Variants in TFDP1 observed in about 807,000 individuals in gnomAD.
TFDP1 encodes DRTF1-polypeptide 1.
TFDP1 carries 6 observed loss-of-function variants against 48.0 expected under a neutral mutation model. The observed-to-expected ratio is 0.13, with a 90% CI of 0.07 to 0.25. TFDP1 has a LOEUF of 0.25. Ranked by LOEUF, TFDP1 falls within the 10% of genes least tolerant of loss-of-function variation. TFDP1 has a pLI of 1.00. For synonymous variants in TFDP1, 201 were observed against 211.6 expected, an observed-to-expected ratio of 0.95 and a Z score of 0.44; for missense variants, 335 against 543.0, an observed-to-expected ratio of 0.62 and a Z score of 3.81.
chr13:113,634,885 A>G (rs1289987062), intron 8 of TFDP1, among the ~76,000 whole-genome samples: 2 of 147,278 alleles, frequency 1.4e-5, no homozygotes, highest in Admixed American at 6.7e-5. Flanking sequence ...GTGCGTGTGC[A>G]TGTGTGTGCG....
At chr13:113,592,599 C>T (rs1362302530) in intron 2 of TFDP1, among the ~76,000 whole-genome samples, 1 of 152,244 alleles carries the variant, frequency 6.6e-6, no homozygotes, top group Non-Finnish European at 1.5e-5. Context: ...TGTTCATTAA[C>T]ATCGCGTCAC....
intron 3 of TFDP1, among the ~76,000 whole-genome samples, chr13:113,611,290 A>G (rs1450695694): frequency 2.6e-5 from 4 of 152,252 alleles, no homozygotes. Flanking sequence ...AGGTATGTAT[A>G]CTATTTGCAA....
chr13:113,588,002 C>T (rs1189924914), intron 2 of TFDP1, among the ~76,000 whole-genome samples: 3 of 151,966 alleles, frequency 2.0e-5, no homozygotes, highest in Admixed American at 6.6e-5. Context: ...ATTACAGGCG[C>T]GCCACCACAC....
chr13:113,625,905 C>T (rs2085190513), intron 4 of TFDP1, among the ~76,000 whole-genome samples: 1 of 143,462 alleles, frequency 7.0e-6, no homozygotes, highest in Non-Finnish European at 1.5e-5. Flanking sequence ...TCTCACATGT[C>T]CTCAGGTGTC....
At chr13:113,591,602 T>G (rs1314660442) in intron 2 of TFDP1, among the ~76,000 whole-genome samples, 1 of 152,218 alleles carries the variant, frequency 6.6e-6, no homozygotes, top group Non-Finnish European at 1.5e-5. Flanking sequence ...TAAAAACTTT[T>G]CACTCTTGGT....
chr13:113,623,434 A>T lies in TFDP1; in HGVS notation c.186+148A>T, dbSNP rs964348106. The T allele has an allele frequency of 4.1e-6, 3 of 738,030 alleles. No homozygotes were observed. The highest frequency in any genetic ancestry group is 3.5e-5 in the African/African-American group (2 of 56,716). The allele number at this position is 738,030 out of a possible 1,614,324, so 45.7% of individuals were successfully genotyped here. A position where few individuals can be genotyped will look rare whatever the true frequency, so the allele number is the denominator to read the frequency against. On this transcript the variant is annotated intron_variant, in intron 4 of 11. Transcript: ENST00000375370. This position sits in a 1 kb window ranked among gnomAD's most constrained non-coding sequence, Gnocchi z 5.2. Reference sequence around the variant, plus strand: ...TTCCCTCATCAGGGAGCCCGTGGCCAGTGCTAGATTTTCCATAGCCCTCTG... The same window carrying T: ...TTCCCTCATCAGGGAGCCCGTGGCCTGTGCTAGATTTTCCATAGCCCTCTG...
intron 11 of TFDP1, among the ~76,000 whole-genome samples, chr13:113,639,039 C>T (rs1454032823): frequency 2.6e-5 from 4 of 152,158 alleles, no homozygotes; most frequent in African/African-American, 9.7e-5. Flanking sequence ...GCAAAGCCAG[C>T]CTTGGCCTCC....
chr13:113,613,017 T>G (rs781568965), intron 3 of TFDP1, among the ~76,000 whole-genome samples: 1 of 118,362 alleles, frequency 8.4e-6, no homozygotes, highest in East Asian at 2.2e-4. Flanking sequence ...GACGGTGGTT[T>G]TTGTTGTTGT....
chr13:113,618,118 T>C (rs2048907381), intron 3 of TFDP1, among the ~76,000 whole-genome samples: 1 of 152,266 alleles, frequency 6.6e-6, no homozygotes, highest in African/African-American at 2.4e-5. Context: ...TTCATGTGAC[T>C]CAGCTTGTCC....
intron 3 of TFDP1, among the ~76,000 whole-genome samples, chr13:113,618,347 C>T (rs1195406066): frequency 6.6e-6 from 1 of 152,182 alleles, no homozygotes; most frequent in Non-Finnish European, 1.5e-5. Context: ...TGTGGCGAAA[C>T]TCTGTCTCTA....
chr13:113,615,421 C>T (rs746350990), intron 3 of TFDP1, among the ~76,000 whole-genome samples: 2 of 152,126 alleles, frequency 1.3e-5, no homozygotes, highest in African/African-American at 4.8e-5. Flanking sequence ...GTGACCTGGC[C>T]CCATGGCTGC....
rs2049478815 is a variant in TFDP1, at chr13:113,636,073, A to G, written c.784A>G (p.Ile262Val). 1 of 1,614,202 alleles carries G rather than the reference A, an allele frequency of 6.2e-7. No homozygotes were observed. Among genetic ancestry groups the G allele is most frequent in the East Asian group, 2.2e-5 (1 of 44,876 alleles). Reference sequence around the variant, plus strand: ...CAACTCAGTCATCCACCTGCCCTTCATCATCGTCAACACCAGCAAGAAGAC... The same window carrying G: ...CAACTCAGTCATCCACCTGCCCTTCGTCATCGTCAACACCAGCAAGAAGAC... ...PPNSVIHLPF[I>V]IVNTSKKTVI... The change falls in exon 9 of 12, where the codon ATC becomes GTC. Residue 262 changes from isoleucine to valine, a missense_variant. Coordinates refer to ENST00000375370, the MANE Select transcript of TFDP1 (RefSeq NM_007111.5).
intron 3 of TFDP1, among the ~76,000 whole-genome samples, chr13:113,617,545 C>T (rs574591694): frequency 7.9e-5 from 12 of 151,268 alleles, no homozygotes; most frequent in Middle Eastern, 3.2e-3. Context: ...CCTGCAGAGC[C>T]GCTCACCTGC....
At chr13:113,602,970 T>TG (rs1555352087) in intron 2 of TFDP1, among the ~76,000 whole-genome samples, 2 of 67,222 alleles carry the variant, frequency 3.0e-5, no homozygotes, top group African/African-American at 1.9e-4. Context: ...ATAGTTGAGC[T>TG]AAAAAAAAAA....
Position 113,623,882 on chromosome 13 carries a change from C to T in TFDP1, c.186+596C>T, listed in dbSNP as rs950472051. Among the ~76,000 whole-genome samples the T allele has an allele frequency of 6.6e-6, 1 of 152,204 alleles. No individual in the cohort carries two copies. ...TGCTGTTTCCTGTCTCGTGTCCGCC[C>T]TCTGCGTCCTTGCCGGTGGCAGCCT... is the stretch of plus-strand genomic sequence containing the variant. On this transcript the variant is annotated intron_variant, in intron 4 of 11. Transcript: ENST00000375370. The surrounding 1 kb of genome is among the most constrained non-coding windows in gnomAD (Gnocchi z 5.2).
In TFDP1 at chr13:113,611,198, C is replaced by A. The variant is rs143607759; in HGVS notation, c.79+136C>A. 9 of 814,648 alleles carry A rather than the reference C, an allele frequency of 1.1e-5. No homozygotes were observed. The East Asian group carries it at 2.0e-4, about 18-fold the overall frequency. 50.5% of individuals were successfully genotyped at this position (814,648 alleles called of 1,614,324 possible). ...TGGGCACCTTTGTGCTCCGGGAACC[C>A]AGGAGGGTGGGCGTAGGAGCCTTCT... On this transcript the variant is annotated intron_variant, in intron 3 of 11. Transcript: ENST00000375370.
intron 11 of TFDP1, 27 bp downstream of exon 11, chr13:113,637,923 G>A (rs200105745): frequency 1.9e-6 from 3 of 1,608,182 alleles, no homozygotes; most frequent in Non-Finnish European, 1.7e-6. Flanking sequence ...GTGTGGGAGA[G>A]GCGTCATCTG....
In TFDP1 at chr13:113,636,001, C is replaced by G. The variant is rs2049476512; in HGVS notation, c.712C>G (p.Gln238Glu). The change falls in exon 9 of 12, where the codon CAG becomes GAG. Residue 238 changes from glutamine (Q) to glutamate (E), a missense_variant. Gln to Glu is a conservative substitution (Grantham distance 29). Coordinates refer to ENST00000375370, the MANE Select transcript of TFDP1 (RefSeq NM_007111.5). ...GCAAATTGCCTTCAAGAACCTGGTG[C>G]AGAGAAACCGGCATGCGGAGCAGCA... ...LQQIAFKNLV[Q>E]RNRHAEQQAS... is the part of the protein sequence containing the mutation. 1 of 1,613,908 alleles carries G rather than the reference C, an allele frequency of 6.2e-7. No individual in the cohort carries two copies. Among genetic ancestry groups the G allele is most frequent in the Non-Finnish European group, 8.5e-7 (1 of 1,179,992 alleles).
intron 11 of TFDP1, among the ~76,000 whole-genome samples, chr13:113,639,657 G>A (rs1731140125): frequency 6.6e-6 from 1 of 152,256 alleles, no homozygotes; most frequent in African/African-American, 2.4e-5. Flanking sequence ...GTAGGTTTTT[G>A]TGGTGCTGCC....
Sources: gnomAD v4.1 joint callset for allele counts (sites outside exome capture counted in the v4.1 genomes callset) on GRCh38, gnomAD v4.1.1 for gene constraint, Gnocchi (gnomAD v3.1) non-coding constraint, MANE v1.5 for transcripts, NCBI Gene and HGNC (gene_info 2026-07-23, HGNC 2026-07-21) for gene names.